TMEM178B: variants seen among roughly 807,000 people sequenced by gnomAD.
The protein encoded by TMEM178B is transmembrane protein 178B.
In TMEM178B, 5 loss-of-function variants were observed where a neutral mutation model predicts 31.0. The ratio of observed to expected loss-of-function variants is 0.16; its 90% CI spans 0.08 to 0.34. The LOEUF is 0.34. Among genes scored for constraint, TMEM178B ranks in the 10% least tolerant of loss-of-function variants. The probability of loss-of-function intolerance (pLI) is 1.00; values close to 1 mark genes in which losing one functional copy is unlikely to be tolerated. For missense variants in TMEM178B, 275 were observed against 400.3 expected (o/e 0.69, Z 2.67); for synonymous variants, 164 against 164.0 (o/e 1.00, Z 0.00).
At chr7:141,229,595 AG>A (rs1163946687) in intron 2 of TMEM178B, among the ~76,000 whole-genome samples, 2 of 152,194 alleles carry the variant, frequency 1.3e-5, no homozygotes, top group African/African-American at 4.8e-5. Context: ...ATAAAAGAAA[AG>A]CAGAAACAAC....
At chr7:141,205,041 G>A (rs867145704) in intron 1 of TMEM178B, among the ~76,000 whole-genome samples, 2 of 152,044 alleles carry the variant, frequency 1.3e-5, no homozygotes, top group Admixed American at 6.6e-5. Flanking sequence ...GCCCAGGTTC[G>A]TCTTGAACTC....
At chr7:141,180,431 C>T (rs1388177023) in intron 1 of TMEM178B, among the ~76,000 whole-genome samples, 2 of 132,958 alleles carry the variant, frequency 1.5e-5, no homozygotes, top group Non-Finnish European at 3.1e-5. Flanking sequence ...CTGCGATCTC[C>T]AGCCTGAGAG....
chr7:141,489,181 C>T, the TMEM178B span, among the ~76,000 whole-genome samples: 1 of 152,190 alleles, frequency 6.6e-6, no homozygotes, highest in Admixed American at 6.5e-5. Context: ...ATACTTCATC[C>T]TTCCATCTCT....
chr7:141,425,123 A>C (rs2116658717), intron 2 of TMEM178B, among the ~76,000 whole-genome samples: 1 of 152,378 alleles, frequency 6.6e-6, no homozygotes, highest in East Asian at 1.9e-4. Context: ...CAAATTGCTC[A>C]ACACATGCCT....
intron 1 of TMEM178B, among the ~76,000 whole-genome samples, chr7:141,211,120 AAGG>A (rs905827020): frequency 2.0e-5 from 3 of 152,064 alleles, no homozygotes; most frequent in African/African-American, 7.2e-5. Context: ...CAAGTTAAGG[AAGG>A]AGGATGACAG....
At chr7:141,335,110 A>G (rs527882855) in intron 2 of TMEM178B, among the ~76,000 whole-genome samples, 38 of 152,346 alleles carry the variant, frequency 2.5e-4, no homozygotes, top group African/African-American at 9.1e-4. Context: ...TACAAGCCAC[A>G]GCACAGTTGC....
intron 2 of TMEM178B, among the ~76,000 whole-genome samples, chr7:141,256,578 T>C (rs1797932809): frequency 6.6e-6 from 1 of 152,184 alleles, no homozygotes; most frequent in South Asian, 2.1e-4. Context: ...AGCCTCTGAA[T>C]GTTTTCCAAG....
chr7:141,280,750 A>G lies in TMEM178B; in HGVS notation c.496+68046A>G, dbSNP rs141227165. On this transcript the variant is annotated intron_variant, in intron 2 of 3. Coordinates refer to ENST00000565468, the MANE Select transcript of TMEM178B (RefSeq NM_001195278.2). ...TAAATGACACTTTTTTCCTCCTAGC[A>G]GAGGTTCTGATTCCACGGGTCTGGG... Among the ~76,000 whole-genome samples the G allele has an allele frequency of 6.4e-3, 971 of 151,870 alleles. 8 individuals carry two copies. Among genetic ancestry groups the G allele is most frequent in the Non-Finnish European group, 9.7e-3 (658 of 67,972 alleles).
intron 2 of TMEM178B, among the ~76,000 whole-genome samples, chr7:141,424,282 C>T (rs988527676): frequency 5.9e-5 from 9 of 152,146 alleles, no homozygotes; most frequent in Admixed American, 3.3e-4. Flanking sequence ...CACTTTAGAG[C>T]CCCATTCCTC....
At chr7:141,499,464 C>CAAAAAAAAAAAAAAA in the TMEM178B span, among the ~76,000 whole-genome samples, 1 of 50,716 alleles carries the variant, frequency 2.0e-5, no homozygotes, top group Admixed American at 2.1e-4. Flanking sequence ...CACATCTCTA[C>CAAAAAAAAAAAAAAA]AAAAAAAAAA....
chr7:141,322,961 A>T (rs1370856278), intron 2 of TMEM178B, among the ~76,000 whole-genome samples: 3 of 152,128 alleles, frequency 2.0e-5, no homozygotes, highest in Non-Finnish European at 4.4e-5. Context: ...GATTTTTTAA[A>T]TTTTTATTTG....
intron 1 of TMEM178B, among the ~76,000 whole-genome samples, chr7:141,184,994 CA>C (rs1796585694): frequency 6.6e-6 from 1 of 152,202 alleles, no homozygotes; most frequent in Admixed American, 6.5e-5. Flanking sequence ...ATCTAAAGCT[CA>C]GCGCAGTTGA....
intron 2 of TMEM178B, among the ~76,000 whole-genome samples, chr7:141,419,198 C>T (rs1801156010): frequency 6.6e-6 from 1 of 152,144 alleles, no homozygotes; most frequent in African/African-American, 2.4e-5. Flanking sequence ...TCGTGAGGCA[C>T]CGCGGCTGGC....
chr7:141,226,993 G>C (rs1797354624), intron 2 of TMEM178B, among the ~76,000 whole-genome samples: 1 of 152,304 alleles, frequency 6.6e-6, no homozygotes, highest in East Asian at 1.9e-4. Flanking sequence ...GGTTCACGAG[G>C]AGCCATCTTT....
At chr7:141,224,933 T>C (rs1797316760) in intron 2 of TMEM178B, among the ~76,000 whole-genome samples, 1 of 152,324 alleles carries the variant, frequency 6.6e-6, no homozygotes, top group Admixed American at 6.5e-5. Context: ...CTTGAGTATG[T>C]GGCTCTGGGT....
At chr7:141,182,725 C>T (rs117034558) in intron 1 of TMEM178B, among the ~76,000 whole-genome samples, 3,310 of 152,278 alleles carry the variant, frequency 0.022, 58 homozygotes, top group Non-Finnish European at 0.037. Flanking sequence ...GGCGGTTTCT[C>T]CCATACTGTT....
chr7:141,254,239 G>A (rs954657245), intron 2 of TMEM178B, among the ~76,000 whole-genome samples: 2 of 152,296 alleles, frequency 1.3e-5, no homozygotes, highest in Admixed American at 1.3e-4. Context: ...GGCAGCATGG[G>A]TGGGAAATGG....
At chr7:141,332,674 A>C (rs1029500141) in intron 2 of TMEM178B, among the ~76,000 whole-genome samples, 1 of 152,258 alleles carries the variant, frequency 6.6e-6, no homozygotes, top group Non-Finnish European at 1.5e-5. Context: ...GTTTGCCCAG[A>C]AAATAGAGGC....
intron 2 of TMEM178B, among the ~76,000 whole-genome samples, chr7:141,307,523 C>T (rs1324202920): frequency 1.3e-5 from 2 of 152,172 alleles, no homozygotes; most frequent in African/African-American, 2.4e-5. Context: ...CAGGAGGCTC[C>T]CATCAGACTC....
Sources: gnomAD v4.1 joint callset for allele counts (sites outside exome capture counted in the v4.1 genomes callset) on GRCh38, gnomAD v4.1.1 for gene constraint, MANE v1.5 for transcripts, NCBI Gene and HGNC (gene_info 2026-07-23, HGNC 2026-07-21) for gene names.